SETX: variants seen among roughly 807,000 people sequenced by gnomAD.
SETX encodes helicase senataxin.
In SETX, 90 loss-of-function variants were observed where a neutral mutation model predicts 227.2. The ratio of observed to expected loss-of-function variants is 0.40; its 90% CI spans 0.33 to 0.47. The LOEUF (loss-of-function observed/expected upper bound fraction) is 0.47, where lower values mean the gene tolerates loss of function less well. Among genes scored for constraint, SETX ranks in the 20% least tolerant of loss-of-function variants. The pLI is 0.91. For synonymous variants in SETX, 1,210 were observed against 1,113.2 expected (o/e 1.09, Z -1.73); for missense variants, 3,052 against 3,181.5 (o/e 0.96, Z 0.98).
chr9:132,287,215 G>A (rs1303598103), intron 17 of SETX, among the ~76,000 whole-genome samples: 1 of 152,080 alleles, frequency 6.6e-6, no homozygotes. Flanking sequence ...CCATGTGCAG[G>A]GACTCATGCC....
chr9:132,339,284 C>A (rs1297869032), intron 5 of SETX, among the ~76,000 whole-genome samples: 1 of 152,004 alleles, frequency 6.6e-6, no homozygotes, highest in African/African-American at 2.4e-5. Context: ...GGAGTTCGAA[C>A]CCAGCCTGGG....
intron 15 of SETX, among the ~76,000 whole-genome samples, chr9:132,294,541 G>T (rs995393172): frequency 4.6e-5 from 7 of 152,194 alleles, no homozygotes; most frequent in Admixed American, 3.9e-4. Context: ...AATTCTACGT[G>T]TAGGTAATAC....
rs749368072 is a variant in SETX at position 132,327,416 on chromosome 9, T to C, written c.4182A>G (p.Ser1394=). ...SDIFVPESDR[S]DYNCTGGTEV... ...CAGTTCCTCCTGTACAATTATAATC[T>C]GACCTATCAGATTCTGGTACAAATA... The change falls in exon 10 of 26, where the codon TCA becomes TCG. Residue 1394 remains serine, a synonymous_variant. Coordinates refer to ENST00000224140, the MANE Select transcript of SETX (RefSeq NM_015046.7). The C allele has an allele frequency of 1.2e-6, 2 of 1,614,224 alleles. No homozygotes were observed. The highest frequency in any genetic ancestry group is 1.7e-6 in the Non-Finnish European group (2 of 1,180,030).
intron 15 of SETX, among the ~76,000 whole-genome samples, chr9:132,290,908 A>G (rs921595119): frequency 1.8e-4 from 28 of 152,088 alleles, no homozygotes; most frequent in Non-Finnish European, 1.5e-5. Context: ...AATCATGTAG[A>G]GTTTGTCAGC....
At chr9:132,344,804 G>A (rs938006534) in intron 4 of SETX, among the ~76,000 whole-genome samples, 6 of 151,606 alleles carry the variant, frequency 4.0e-5, no homozygotes, top group African/African-American at 1.5e-4. Context: ...GAACCCAGGA[G>A]GCAGAGGGTG....
rs370551247 is a variant in SETX, at chr9:132,328,910, C to G, written c.2688G>C (p.Leu896Phe). The G allele has an allele frequency of 6.2e-7, 1 of 1,613,346 alleles. No individual in the cohort carries two copies. The highest frequency in any genetic ancestry group is 1.3e-5 in the African/African-American group (1 of 74,900). Reference sequence around the variant, plus strand: ...CATTGGTCATTTCTGTAAAAGGGATCAATTCTTTACCATCAACATGAAATT... The same window carrying G: ...CATTGGTCATTTCTGTAAAAGGGATGAATTCTTTACCATCAACATGAAATT... ...IQEFHVDGKE[L>F]IPFTEMTNAS... Residue 896 changes from leucine (L) to phenylalanine (F), a missense_variant, in exon 10 of 26, where the codon TTG becomes TTC. Transcript: ENST00000224140.
intron 4 of SETX, among the ~76,000 whole-genome samples, chr9:132,343,020 T>C (rs1848075299): frequency 1.3e-5 from 2 of 152,248 alleles, no homozygotes; most frequent in South Asian, 4.2e-4. Context: ...CTGACCTTAT[T>C]AGAATAGATC....
rs1846899665 is a variant in SETX at position 132,327,486 on chromosome 9, G to C, written c.4112C>G (p.Thr1371Arg). ...NRRRLSDCESTDVKRAGSHTA... is the reference protein window; with the variant it reads ...NRRRLSDCESRDVKRAGSHTA... Reference sequence around the variant, plus strand: ...ATGTGACCCTGCTCTTTTAACATCTGTACTTTCACAATCAGAAAGTCTTCG... The same window carrying C: ...ATGTGACCCTGCTCTTTTAACATCTCTACTTTCACAATCAGAAAGTCTTCG... The change falls in exon 10 of 26, where the codon ACA becomes AGA. Residue 1371 changes from threonine (T) to arginine (R), a missense_variant. By Grantham distance (71) the Thr-to-Arg change is moderately conservative. Around this residue, in one of 10 missense-constraint regions of SETX, gnomAD observed 1,483 missense variants for 1,312.0 expected, o/e 1.13. Transcript: ENST00000224140. 1 of 1,613,898 alleles carries C rather than the reference G, an allele frequency of 6.2e-7. No homozygotes were observed. Among genetic ancestry groups the C allele is most frequent in the African/African-American group, 1.3e-5 (1 of 74,894 alleles).
chr9:132,332,251 G>T (rs1416059118), intron 7 of SETX, among the ~76,000 whole-genome samples: 1 of 152,070 alleles, frequency 6.6e-6, no homozygotes, highest in Non-Finnish European at 1.5e-5. Context: ...AGCACAAATA[G>T]ATCACTGGCT....
At chr9:132,273,724 T>C (rs1255390009) in intron 23 of SETX, among the ~76,000 whole-genome samples, 2 of 152,200 alleles carry the variant, frequency 1.3e-5, no homozygotes, top group Non-Finnish European at 2.9e-5. Context: ...TTTCTAGAAA[T>C]AAGATCATGC....
At position 132,325,139 on chromosome 9, in the gene SETX, A is replaced by G. The variant is rs558596609; in HGVS notation, c.5274+1185T>C. The stretch of plus-strand genomic sequence containing the variant: ...TGGGAGGCCAAGGCGGGCAGATCAC[A>G]AGGTCAGGAGATTGAGACCATCCTG... On this transcript the variant is annotated intron_variant, in intron 10 of 25. Coordinates refer to ENST00000224140, the MANE Select transcript of SETX (RefSeq NM_015046.7). 6.2e-3 allele frequency among the ~76,000 whole-genome samples: 945 copies of G among 151,840 alleles called. 5 individuals carry two copies. Among genetic ancestry groups the G allele is most frequent in the Non-Finnish European group, 9.7e-3 (658 of 67,870 alleles).
intron 11 of SETX, among the ~76,000 whole-genome samples, chr9:132,307,643 T>G (rs1845409215): frequency 6.6e-6 from 1 of 152,062 alleles, no homozygotes; most frequent in African/African-American, 2.4e-5. Context: ...TAGTTCTTTT[T>G]TAAGCTTACC....
At position 132,264,496 on chromosome 9, in the gene SETX, C is replaced by G; in HGVS notation, c.7777G>C (p.Val2593Leu). 1 of 1,613,886 alleles carries G rather than the reference C, an allele frequency of 6.2e-7. No homozygotes were observed. The highest frequency in any genetic ancestry group is 8.5e-7 in the Non-Finnish European group (1 of 1,179,912). ...TTGTGGCTGCTCAGAGCAGCCACTA[C>G]AGCAGCGGGCTGCTGTATATGGCTC... is the stretch of plus-strand genomic sequence containing the variant. ...DLSHIQQPAA[V>L]VAALSSHKPP... is the part of the protein sequence containing the mutation. The change falls in exon 26 of 26, where the codon GTA (valine) becomes CTA (leucine). Residue 2593 changes from valine (V) to leucine (L), a missense_variant. Physicochemically the swap from Val to Leu is conservative, Grantham distance 32. Around this residue, in one of 10 missense-constraint regions of SETX, gnomAD observed 294 missense variants for 278.8 expected, o/e 1.05. Transcript: ENST00000224140.
intron 11 of SETX, among the ~76,000 whole-genome samples, chr9:132,301,438 C>T (rs538748300): frequency 8.5e-5 from 13 of 152,080 alleles, no homozygotes; most frequent in African/African-American, 3.1e-4. Context: ...TTTCAAAACC[C>T]CCGAAGAAAA....
intron 13 of SETX, among the ~76,000 whole-genome samples, chr9:132,297,642 A>C (rs531573283): frequency 6.6e-6 from 1 of 152,380 alleles, no homozygotes; most frequent in South Asian, 2.1e-4. Context: ...ATACAGCTCT[A>C]GAGTTTCTAA....
At chr9:132,314,913 T>G (rs1362594070) in intron 10 of SETX, among the ~76,000 whole-genome samples, 9 of 139,408 alleles carry the variant, frequency 6.5e-5, no homozygotes, top group Admixed American at 2.1e-4. Context: ...TGTGTTTTTT[T>G]TTTTTTTTTT....
Position 132,264,827 on chromosome 9 carries a change from C to T in SETX, c.7446G>A (p.Glu2482=). ...SLTHPPTIAP[E]GSRPQGGLPS... ...GCAAACCACCCTGGGGTCTGGACCC[C>T]TCTGGGGCTATGGTAGGAGGGTGAG... is the stretch of plus-strand genomic sequence containing the variant. Residue 2482 remains glutamate (E), a synonymous_variant, in exon 26 of 26, where the codon GAG becomes GAA. Coordinates refer to ENST00000224140, the MANE Select transcript of SETX (RefSeq NM_015046.7). 1.2e-6 allele frequency: 2 copies of T among 1,614,198 alleles called. No homozygotes were observed. Among genetic ancestry groups the T allele is most frequent in the Non-Finnish European group, 1.7e-6 (2 of 1,180,036 alleles).
chr9:132,287,173 A>G (rs1417268666), intron 17 of SETX, among the ~76,000 whole-genome samples: 1 of 152,216 alleles, frequency 6.6e-6, no homozygotes, highest in Non-Finnish European at 1.5e-5. Flanking sequence ...GCTTTAATAT[A>G]AGGCAGTACA....
chr9:132,329,666 T>C lies in SETX; in HGVS notation c.1932A>G (p.Thr644=), dbSNP rs760106611. The C allele has an allele frequency of 9.3e-6, 15 of 1,613,770 alleles. No homozygotes were observed. Among genetic ancestry groups the C allele is most frequent in the Middle Eastern group, 1.6e-4 (1 of 6,082 alleles). Residue 644 remains threonine, a synonymous_variant, in exon 10 of 26, where the codon ACA becomes ACG. Transcript: ENST00000224140. Reference sequence around the variant, plus strand: ...GCACTTTCATTGGTTCTTTAGAAAATGTTGGGCTGGAAGCTTCCAAACAAT... The same window carrying C: ...GCACTTTCATTGGTTCTTTAGAAAACGTTGGGCTGGAAGCTTCCAAACAAT... ...DMHCLEASSP[T]FSKEPMKVQD...
Sources: allele counts gnomAD v4.1 joint callset (sites outside exome capture counted in the v4.1 genomes callset), GRCh38; gene constraint gnomAD v4.1.1; regional missense constraint gnomAD v4.1.1; transcripts MANE v1.5; gene names NCBI Gene and HGNC (gene_info 2026-07-23, HGNC 2026-07-21).